Variants in PCDH15 observed in about 807,000 individuals in gnomAD.
PCDH15 encodes the protein protocadherin-15.
PCDH15 carries 129 observed loss-of-function variants against 178.5 expected under a neutral mutation model. That is an observed-to-expected ratio of 0.72 (90% CI 0.63 to 0.84). The LOEUF (loss-of-function observed/expected upper bound fraction) is 0.84. PCDH15 is among the 40% of genes least tolerant of loss of function. PCDH15 has a pLI of 0.00. For missense variants in PCDH15, 2,230 were observed against 2,099.9 expected, an observed-to-expected ratio of 1.06 and a Z score of -1.21; for synonymous variants, 800 against 732.0, an observed-to-expected ratio of 1.09 and a Z score of -1.50.
At chr10:54,076,395 T>C (rs2094342752) in intron 17 of PCDH15, among the ~76,000 whole-genome samples, 1 of 152,160 alleles carries the variant, frequency 6.6e-6, no homozygotes, top group East Asian at 1.9e-4. Context: ...GTTTTCTATA[T>C]GCAAACTCAT....
rs372764027 is a variant in PCDH15, at chr10:55,195,238, G to A, written c.-155-28587C>T. 3.4e-4 allele frequency among the ~76,000 whole-genome samples: 51 copies of A among 151,900 alleles called. 1 individual carries two copies. The highest frequency in any genetic ancestry group is 1.2e-3 in the African/African-American group (48 of 41,408). On this transcript the variant is annotated intron_variant, in intron 1 of 5. Coordinates refer to the PCDH15 transcript ENST00000458638. ...GGGATTTCACCATATTGGTCAGGCT[G>A]CTCTCGAATTCCTGACTCAAGTGGT...
intron 21 of PCDH15, among the ~76,000 whole-genome samples, chr10:53,985,698 T>A (rs768562790): frequency 6.6e-6 from 1 of 152,012 alleles, no homozygotes; most frequent in East Asian, 1.9e-4. Context: ...GCATAGCACC[T>A]TCCTGACTCC....
At chr10:55,312,082 G>A (rs1055353672) in intron 1 of PCDH15, among the ~76,000 whole-genome samples, 5 of 152,038 alleles carry the variant, frequency 3.3e-5, no homozygotes, top group African/African-American at 1.2e-4. Flanking sequence ...TCACTGTGAT[G>A]GTAAACTTTT....
intron 2 of PCDH15, among the ~76,000 whole-genome samples, chr10:55,456,133 T>C (rs1241664430): frequency 1.3e-5 from 2 of 152,120 alleles, no homozygotes; most frequent in African/African-American, 4.8e-5. Context: ...ATCTAAAGTT[T>C]TTCTTCTAAC....
chr10:54,302,190 C>T (rs779218171), intron 8 of PCDH15, among the ~76,000 whole-genome samples: 1 of 152,084 alleles, frequency 6.6e-6, no homozygotes, highest in Non-Finnish European at 1.5e-5. Flanking sequence ...TACATGTACC[C>T]TAACTCCCAC....
chr10:55,321,563 CA>C (rs1223030096), upstream of PCDH15, among the ~76,000 whole-genome samples: 1 of 152,002 alleles, frequency 6.6e-6, no homozygotes, highest in African/African-American at 2.4e-5. Flanking sequence ...TCAGATTTAC[CA>C]AGGTCAAAAT....
At chr10:55,408,047 T>C (rs192408680) in intron 2 of PCDH15, among the ~76,000 whole-genome samples, 64 of 152,270 alleles carry the variant, frequency 4.2e-4, no homozygotes, top group African/African-American at 1.5e-3. Context: ...ACCAAGATGG[T>C]AACCAATAAC....
intron 1 of PCDH15, among the ~76,000 whole-genome samples, chr10:54,780,253 A>G (rs753986844): frequency 6.6e-6 from 1 of 152,168 alleles, no homozygotes; most frequent in African/African-American, 2.4e-5. Context: ...AGAAAGAGAA[A>G]TGTGAGTCAA....
At chr10:54,652,065 C>A (rs2094275611) in intron 2 of PCDH15, among the ~76,000 whole-genome samples, 1 of 152,048 alleles carries the variant, frequency 6.6e-6, no homozygotes, top group South Asian at 2.1e-4. Context: ...CTAGACTAAG[C>A]TGTCCTAGGA....
chr10:54,341,803 G>C (rs886464006), intron 6 of PCDH15, among the ~76,000 whole-genome samples: 8 of 152,142 alleles, frequency 5.3e-5, no homozygotes, highest in Non-Finnish European at 8.8e-5. Flanking sequence ...TTGGGAACTG[G>C]AGCAAAAGTC....
At chr10:55,517,468 T>G (rs548574627) in intron 2 of PCDH15, among the ~76,000 whole-genome samples, 1 of 152,256 alleles carries the variant, frequency 6.6e-6, no homozygotes, top group African/African-American at 2.4e-5. Context: ...CTTTTACTCT[T>G]ACTCATAGTT....
chr10:55,039,254 C>CAGAAAGAGCTTATTTT (rs1480617984), intron 2 of PCDH15, among the ~76,000 whole-genome samples: 2 of 151,762 alleles, frequency 1.3e-5, no homozygotes, highest in African/African-American at 4.8e-5. Flanking sequence ...AAGGCAGAAT[C>CAGAAAGAGCTTATTTT]AGAAAGAGCT....
intron 1 of PCDH15, among the ~76,000 whole-genome samples, chr10:55,204,627 C>T (rs1397281982): frequency 6.6e-6 from 1 of 151,960 alleles, no homozygotes; most frequent in Non-Finnish European, 1.5e-5. Context: ...TCTAAATTTG[C>T]AAAGGCTGGA....
intron 10 of PCDH15, among the ~76,000 whole-genome samples, chr10:54,199,295 G>A (rs1051507481): frequency 6.6e-6 from 1 of 152,030 alleles, no homozygotes; most frequent in African/African-American, 2.4e-5. Context: ...ATGTGAAAAT[G>A]TGTATTTTTG....
At chr10:55,479,511 T>C (rs1840132424) in intron 2 of PCDH15, among the ~76,000 whole-genome samples, 1 of 151,670 alleles carries the variant, frequency 6.6e-6, no homozygotes, top group Non-Finnish European at 1.5e-5. Context: ...AGGAGGAACA[T>C]ATCTCAGCAC....
chr10:55,515,885 T>A (rs2132157452), intron 2 of PCDH15, among the ~76,000 whole-genome samples: 2 of 152,286 alleles, frequency 1.3e-5, no homozygotes, highest in South Asian at 4.1e-4. Flanking sequence ...CAAAAAGAAT[T>A]TTCAAAAATA....
At chr10:54,861,167 CTT>C (rs1313832676) in intron 3 of PCDH15, among the ~76,000 whole-genome samples, 1 of 152,102 alleles carries the variant, frequency 6.6e-6, no homozygotes, top group Non-Finnish European at 1.5e-5. Flanking sequence ...ATCTCCTGGT[CTT>C]CTGGAGTAAC....
At chr10:55,053,456 T>C (rs1006617541) in intron 2 of PCDH15, among the ~76,000 whole-genome samples, 2 of 152,176 alleles carry the variant, frequency 1.3e-5, no homozygotes, top group Non-Finnish European at 2.9e-5. Context: ...GTGGAAAATA[T>C]TTGACTTCAA....
chr10:55,049,029 G>A (rs1841086978), intron 2 of PCDH15, among the ~76,000 whole-genome samples: 3 of 151,924 alleles, frequency 2.0e-5, no homozygotes, highest in Non-Finnish European at 4.4e-5. Flanking sequence ...AAGACAGAGA[G>A]ACCATTGCTG....
Sources: allele counts gnomAD v4.1 joint callset (sites outside exome capture counted in the v4.1 genomes callset), GRCh38; gene constraint gnomAD v4.1.1; transcripts MANE v1.5; gene names NCBI Gene and HGNC (gene_info 2026-07-23, HGNC 2026-07-21).